Variants in AOPEP observed in about 807,000 individuals in gnomAD.
AOPEP encodes aminopeptidase O.
Under a neutral mutation model 98.1 loss-of-function variants are expected in AOPEP, and 77 were observed. That is an observed-to-expected ratio of 0.78 (90% CI 0.65 to 0.95). The LOEUF is 0.95. AOPEP is among the 40% of genes least tolerant of loss of function. The pLI, the probability that AOPEP is intolerant of heterozygous loss-of-function variation, is 0.00. For synonymous variants in AOPEP, 346 were observed against 365.3 expected, an observed-to-expected ratio of 0.95 and a Z score of 0.60; for missense variants, 1,024 against 1,024.7, an observed-to-expected ratio of 1.00 and a Z score of 0.01.
At chr9:95,055,330 C>T (rs2066731851) in intron 13 of AOPEP, among the ~76,000 whole-genome samples, 1 of 152,140 alleles carries the variant, frequency 6.6e-6, no homozygotes, top group Non-Finnish European at 1.5e-5. Context: ...TTCTGTGGCT[C>T]TGAACGTTTT....
the AOPEP span, among the ~76,000 whole-genome samples, chr9:95,094,025 CCTTT>C: frequency 6.6e-6 from 1 of 152,162 alleles, no homozygotes; most frequent in Non-Finnish European, 1.5e-5. Flanking sequence ...GCAGGCTTTT[CCTTT>C]TTTTCTCTCG....
intron 1 of AOPEP, among the ~76,000 whole-genome samples, chr9:94,750,783 G>A (rs1190779238): frequency 2.2e-5 from 3 of 139,420 alleles, no homozygotes; most frequent in African/African-American, 8.0e-5. Flanking sequence ...GTGAGACGGA[G>A]TCTCACTCTG....
chr9:95,116,196 C>G, the AOPEP span, among the ~76,000 whole-genome samples: 1 of 152,256 alleles, frequency 6.6e-6, no homozygotes, highest in East Asian at 1.9e-4. Context: ...TTTTCTGGAG[C>G]TCACTCAGCG....
intron 2 of AOPEP, among the ~76,000 whole-genome samples, chr9:94,761,417 A>G (rs554447909): frequency 6.6e-6 from 1 of 152,156 alleles, no homozygotes; most frequent in Admixed American, 6.5e-5. Flanking sequence ...TATTTTACCT[A>G]TTTGTGCTAA....
At chr9:95,146,158 G>T in the AOPEP span, among the ~76,000 whole-genome samples, 69,465 of 151,768 alleles carry the variant, frequency 0.46, 16,109 homozygotes, top group East Asian at 0.58. Flanking sequence ...GTCTACATAT[G>T]TAACAATTCT....
chr9:95,097,947 A>G, the AOPEP span, among the ~76,000 whole-genome samples: 2 of 152,152 alleles, frequency 1.3e-5, no homozygotes, highest in Non-Finnish European at 1.5e-5. Flanking sequence ...GGATTTCCCA[A>G]CATTTGGCAG....
chr9:95,147,612 T>A, the AOPEP span, among the ~76,000 whole-genome samples: 1 of 152,202 alleles, frequency 6.6e-6, no homozygotes, highest in African/African-American at 2.4e-5. Flanking sequence ...TGGGCTAAAC[T>A]GTAAATAAAG....
At chr9:95,110,362 G>A in the AOPEP span, 43 of 1,021,140 alleles carry the variant, frequency 4.2e-5, no homozygotes, top group Middle Eastern at 4.7e-4. Flanking sequence ...ATATAAAAGG[G>A]CTTTAAAAAC....
chr9:95,108,672 T>C, the AOPEP span, among the ~76,000 whole-genome samples: 1 of 152,252 alleles, frequency 6.6e-6, no homozygotes, highest in East Asian at 1.9e-4. Flanking sequence ...TAAAGACATA[T>C]ATGCTTACTA....
intron 11 of AOPEP, among the ~76,000 whole-genome samples, chr9:94,996,259 A>G (rs1304771154): frequency 6.6e-6 from 1 of 152,058 alleles, no homozygotes; most frequent in East Asian, 1.9e-4. Context: ...TGTTTGGTGA[A>G]CAAACATTCT....
chr9:94,750,553 C>T (rs1207757384), intron 1 of AOPEP, among the ~76,000 whole-genome samples: 2 of 151,906 alleles, frequency 1.3e-5, no homozygotes, highest in Non-Finnish European at 2.9e-5. Flanking sequence ...CCACTGCACT[C>T]CAGCCTGGCG....
intron 5 of AOPEP, among the ~76,000 whole-genome samples, chr9:94,832,094 G>T (rs1856098866): frequency 6.6e-6 from 1 of 152,076 alleles, no homozygotes. Context: ...TAGAAGGAAA[G>T]ATTGATATAT....
rs1427151745 is a variant in AOPEP at position 94,759,769 on chromosome 9, A to G, written c.-15A>G. 1.3e-6 allele frequency: 2 copies of G among 1,588,076 alleles called. No individual in the cohort carries two copies. The highest frequency in any genetic ancestry group is 1.7e-6 in the Non-Finnish European group (2 of 1,167,864). On this transcript the variant is annotated 5_prime_UTR_variant, in exon 2 of 17. Transcript: ENST00000375315. The stretch of plus-strand genomic sequence containing the variant: ...TCTGAGATTTTAATAAATCCCTCAA[A>G]CAATAAACCACATCATGGACATACA...
chr9:94,954,643 A>G (rs1394645602), intron 7 of AOPEP, among the ~76,000 whole-genome samples: 1 of 152,172 alleles, frequency 6.6e-6, no homozygotes, highest in Non-Finnish European at 1.5e-5. Context: ...AAGTTGAAGT[A>G]TGTGATTCTT....
chr9:94,772,132 T>C (rs1841034194), intron 2 of AOPEP, among the ~76,000 whole-genome samples: 1 of 152,234 alleles, frequency 6.6e-6, no homozygotes. Flanking sequence ...TCAAGCTGAC[T>C]AAAACTACAT....
chr9:95,113,482 G>A, the AOPEP span, among the ~76,000 whole-genome samples: 1 of 151,920 alleles, frequency 6.6e-6, no homozygotes, highest in Non-Finnish European at 1.5e-5. Flanking sequence ...ACATAAGAGG[G>A]TACCTAACAC....
chr9:94,864,001 G>A lies in AOPEP; in HGVS notation c.1365-59985G>A, dbSNP rs2045418796. On this transcript the variant is annotated intron_variant, in intron 5 of 16. Coordinates refer to ENST00000375315, the MANE Select transcript of AOPEP (RefSeq NM_001193329.3). ...TAGCCATGTATTCAGTGGAAACTTGGGGGTACTGAGGAAGAAGGGGGAAAA... is the reference window on the plus strand; with the variant it reads ...TAGCCATGTATTCAGTGGAAACTTGAGGGTACTGAGGAAGAAGGGGGAAAA... Among the ~76,000 whole-genome samples, 3 of 152,140 alleles carry A rather than the reference G, an allele frequency of 2.0e-5. No individual in the cohort carries two copies. In the South Asian group the frequency reaches 6.2e-4, roughly 32 times the overall value.
chr9:94,918,720 G>A (rs2053171872), intron 5 of AOPEP, among the ~76,000 whole-genome samples: 1 of 152,124 alleles, frequency 6.6e-6, no homozygotes, highest in African/African-American at 2.4e-5. Flanking sequence ...GCAATGAGAT[G>A]GCATGTGTAA....
intron 7 of AOPEP, chr9:94,935,145 A>C (rs934525292): frequency 6.6e-6 from 1 of 152,112 alleles, no homozygotes; most frequent in African/African-American, 2.4e-5. Flanking sequence ...ATAGTGAGTG[A>C]GTTCTCATGA....
Sources: gnomAD v4.1 joint callset for allele counts (sites outside exome capture counted in the v4.1 genomes callset) on GRCh38, gnomAD v4.1.1 for gene constraint, MANE v1.5 for transcripts, NCBI Gene and HGNC (gene_info 2026-07-23, HGNC 2026-07-21) for gene names.